LRCH3: variants seen among roughly 807,000 people sequenced by gnomAD.
LRCH3 encodes the protein DISP complex protein LRCH3.
In LRCH3, 68 loss-of-function variants were observed where a neutral mutation model predicts 104.5. The observed-to-expected ratio is 0.65, with a 90% CI of 0.54 to 0.80. The LOEUF is 0.80. Among genes scored for constraint, LRCH3 ranks in the 30% least tolerant of loss-of-function variants. The pLI, the probability that LRCH3 is intolerant of heterozygous loss-of-function variation, is 0.00. For missense variants in LRCH3, 951 were observed against 953.9 expected, an observed-to-expected ratio of 1.00 and a Z score of 0.04; for synonymous variants, 344 against 361.3, an observed-to-expected ratio of 0.95 and a Z score of 0.54.
rs536110657 is a variant in LRCH3, at chr3:197,859,124, G to C, written c.1716+219G>C. 1.1e-5 allele frequency: 6 copies of C among 522,358 alleles called. No individual in the cohort carries two copies. In the East Asian group the frequency reaches 1.6e-4, roughly 14 times the overall value. 32.4% of individuals were successfully genotyped at this position (522,358 alleles called of 1,614,324 possible). The stretch of plus-strand genomic sequence containing the variant: ...AGCTCACATTAATTCTTCGTATTCA[G>C]ATTGTTTGATGTGTCATTCTGATTT... On this transcript the variant is annotated intron_variant, in intron 15 of 20. Transcript: ENST00000425562.
Position 197,810,048 on chromosome 3 carries a change from G to C in LRCH3, c.263-4860G>C, listed in dbSNP as rs1732949323. 6.6e-6 allele frequency among the ~76,000 whole-genome samples: 1 copy of C among 152,120 alleles called. No homozygotes were observed. The highest frequency in any genetic ancestry group is 2.1e-4 in the South Asian group (1 of 4,820). ...GGGTGAGGCTACTCAAAGGTTGCAT[G>C]GGAAGCCTGTTTTTTTCCAGTTTTT... On this transcript the variant is annotated intron_variant, in intron 1 of 20. Transcript: ENST00000425562. This position sits in a 1 kb window ranked among gnomAD's most constrained non-coding sequence, Gnocchi z 4.0.
rs574441385 is a variant in LRCH3, at chr3:197,810,242, C to T, written c.263-4666C>T. Among the ~76,000 whole-genome samples, 2 of 152,096 alleles carry T rather than the reference C, an allele frequency of 1.3e-5. No individual in the cohort carries two copies. The highest frequency in any genetic ancestry group is 4.1e-4 in the South Asian group (2 of 4,822). On this transcript the variant is annotated intron_variant, in intron 1 of 20. Transcript: ENST00000425562. The surrounding 1 kb of genome is among the most constrained non-coding windows in gnomAD (Gnocchi z 4.0). ...CACGATCTTGGCTCACTGCAGCCTC[C>T]GCCTCCTGGGTTCAAAGGATTCTCC...
intron 20 of LRCH3, chr3:197,880,464 CACTG>C (rs1713653758): frequency 2.2e-6 from 3 of 1,371,512 alleles, no homozygotes; most frequent in South Asian, 2.5e-5. Flanking sequence ...ATTTCTGATC[CACTG>C]ACTTTGTTTT....
intron 1 of LRCH3, among the ~76,000 whole-genome samples, chr3:197,794,732 T>C (rs7649906): frequency 0.046 from 7,020 of 152,274 alleles, 299 homozygotes; most frequent in African/African-American, 0.11. Flanking sequence ...TGGCTGGGCC[T>C]GGTGGCTCTC....
At chr3:197,795,530 A>G (rs889028305) in intron 1 of LRCH3, among the ~76,000 whole-genome samples, 5 of 152,040 alleles carry the variant, frequency 3.3e-5, no homozygotes, top group South Asian at 2.1e-4. Flanking sequence ...GAAGTTACCA[A>G]TAAGTGGGAA....
In LRCH3 at chr3:197,793,146, G is replaced by C. The variant is rs375887345; in HGVS notation, c.262+1606G>C. ...AGATTGAGCACATTTTCTATGCTTT[G>C]CAGTCATTAAAAATTTATAAGTATT... On this transcript the variant is annotated intron_variant, in intron 1 of 20. Coordinates refer to ENST00000425562, the MANE Select transcript of LRCH3 (RefSeq NM_001365715.1). Among the ~76,000 whole-genome samples, 130 of 152,200 alleles carry C rather than the reference G, an allele frequency of 8.5e-4. 5 individuals carry two copies. The South Asian group carries it at 0.026, about 31-fold the overall frequency.
intron 1 of LRCH3, among the ~76,000 whole-genome samples, chr3:197,803,326 G>A (rs1732106364): frequency 6.6e-6 from 1 of 152,090 alleles, no homozygotes. Context: ...TGATTCTCAG[G>A]CTTTAGTGTT....
At chr3:197,846,628 A>T (rs1738771148) in intron 10 of LRCH3, among the ~76,000 whole-genome samples, 1 of 150,618 alleles carries the variant, frequency 6.6e-6, no homozygotes, top group Non-Finnish European at 1.5e-5. Flanking sequence ...AGCCATGATG[A>T]TGGGTTTTTT....
chr3:197,872,870 G>A (rs371071150), intron 19 of LRCH3, among the ~76,000 whole-genome samples: 105 of 152,140 alleles, frequency 6.9e-4, no homozygotes, highest in African/African-American at 2.2e-3. Flanking sequence ...AGAAAAAAAG[G>A]GAAAAGAAAA....
intron 3 of LRCH3, among the ~76,000 whole-genome samples, chr3:197,817,812 ATGTT>A (rs1225365993): frequency 9.9e-5 from 15 of 151,642 alleles, no homozygotes; most frequent in Non-Finnish European, 1.6e-4. Context: ...CTTCATTGCC[ATGTT>A]TGTTTGTTTG....
chr3:197,874,932 T>C (rs1712691847), intron 19 of LRCH3, among the ~76,000 whole-genome samples: 1 of 152,066 alleles, frequency 6.6e-6, no homozygotes, highest in African/African-American at 2.4e-5. Context: ...AGTTCTTTTT[T>C]TTTTTTTGAA....
chr3:197,839,099 C>G (rs1560565915), intron 9 of LRCH3, among the ~76,000 whole-genome samples: 1 of 152,126 alleles, frequency 6.6e-6, no homozygotes, highest in Non-Finnish European at 1.5e-5. Flanking sequence ...AATCTACTTT[C>G]TTATAAAATA....
chr3:197,852,787 C>T (rs1739788728), intron 13 of LRCH3, among the ~76,000 whole-genome samples, 167 bp downstream of exon 13: 1 of 152,152 alleles, frequency 6.6e-6, no homozygotes, highest in Non-Finnish European at 1.5e-5. Flanking sequence ...AAGGAGTTTA[C>T]TAGAATCTAT....
At chr3:197,870,129 C>T (rs1232200027) in intron 17 of LRCH3, 31 bp from the exon 18 acceptor site, 2 of 1,605,594 alleles carry the variant, frequency 1.2e-6, no homozygotes, top group Non-Finnish European at 1.7e-6. Context: ...TGCCAGTTGC[C>T]TTTCTGTCTT....
chr3:197,847,388 C>G (rs765623186), intron 10 of LRCH3, 21 bp from the exon 11 acceptor site: 2 of 1,562,626 alleles, frequency 1.3e-6, no homozygotes, highest in Admixed American at 2.2e-5. Flanking sequence ...TTTTTTCTTT[C>G]TTTTTTCTTT....
intron 7 of LRCH3, among the ~76,000 whole-genome samples, 165 bp from the exon 8 acceptor site, chr3:197,832,023 TCTCGCCTCA>T (rs1736014287): frequency 6.6e-6 from 1 of 152,144 alleles, no homozygotes; most frequent in Admixed American, 6.6e-5. Context: ...GAAGCGATCG[TCTCGCCTCA>T]ACATCCCAAG....
Position 197,836,188 on chromosome 3 carries a change from T to A in LRCH3, c.1251+366T>A, listed in dbSNP as rs555872324. On this transcript the variant is annotated intron_variant, in intron 9 of 20. Coordinates refer to ENST00000425562, the MANE Select transcript of LRCH3 (RefSeq NM_001365715.1). ...AACTGATAAATCATAGTTTGGTCAGTAGTTAATTAACAGTTAAACCAAAAA... is the reference window on the plus strand; with the variant it reads ...AACTGATAAATCATAGTTTGGTCAGAAGTTAATTAACAGTTAAACCAAAAA... 1.2e-4 allele frequency among the ~76,000 whole-genome samples: 18 copies of A among 152,354 alleles called. No individual in the cohort carries two copies. The South Asian group carries it at 1.5e-3, about 12-fold the overall frequency.
chr3:197,863,796 C>G (rs1741149810), intron 15 of LRCH3, among the ~76,000 whole-genome samples: 1 of 152,122 alleles, frequency 6.6e-6, no homozygotes. Context: ...ATCTTCTCTC[C>G]TAACCGAAAT....
chr3:197,882,689 T>C (rs936782463), intron 20 of LRCH3: 2 of 985,026 alleles, frequency 2.0e-6, no homozygotes, highest in Non-Finnish European at 2.4e-6. Context: ...TTCTTAAGAT[T>C]TGCCTTTTTC....
Sources: allele counts gnomAD v4.1 joint callset (sites outside exome capture counted in the v4.1 genomes callset), GRCh38; gene constraint gnomAD v4.1.1; non-coding constraint Gnocchi (gnomAD v3.1); transcripts MANE v1.5; gene names NCBI Gene and HGNC (gene_info 2026-07-23, HGNC 2026-07-21).